The following ING5 variants were observed in gnomAD, a reference collection of about 807,000 sequenced individuals.
The protein encoded by ING5 is inhibitor of growth protein 5.
In ING5, 17 loss-of-function variants were observed where a neutral mutation model predicts 37.4. The observed-to-expected ratio is 0.45, with a 90% CI of 0.31 to 0.68. The LOEUF (loss-of-function observed/expected upper bound fraction) is 0.68. ING5 is among the 30% of genes least tolerant of loss of function. The pLI is 0.05. For missense variants in ING5, 233 were observed against 311.9 expected, an observed-to-expected ratio of 0.75 and a Z score of 1.91; for synonymous variants, 123 against 116.6, an observed-to-expected ratio of 1.06 and a Z score of -0.36.
chr2:241,720,363 G>A (rs954669528), intron 5 of ING5: 42 of 1,189,672 alleles, frequency 3.5e-5, no homozygotes, highest in African/African-American at 1.4e-4. Context: ...CCAGGCGCAC[G>A]CACCATCCTG....
intron 2 of ING5, among the ~76,000 whole-genome samples, chr2:241,694,534 TAAAATG>T (rs1213377952): frequency 6.6e-6 from 1 of 152,080 alleles, no homozygotes; most frequent in African/African-American, 2.4e-5. Context: ...TAGCTTCACT[TAAAATG>T]AAATAAATGT....
At chr2:241,708,518 C>G (rs1031393035) in intron 2 of ING5, among the ~76,000 whole-genome samples, 1 of 152,144 alleles carries the variant, frequency 6.6e-6, no homozygotes, top group Non-Finnish European at 1.5e-5. Flanking sequence ...AGTTTTCTTA[C>G]CCCTCTAAAC....
chr2:241,722,605 T>G (rs1424084584), intron 5 of ING5: 6 of 985,004 alleles, frequency 6.1e-6, no homozygotes, highest in East Asian at 1.1e-4. Flanking sequence ...TTGCTGCGCC[T>G]TCTTAGAACA....
chr2:241,724,863 G>A, intron 7 of ING5, 126 bp from the exon 8 acceptor site: 2 of 925,984 alleles, frequency 2.2e-6, no homozygotes, highest in Non-Finnish European at 3.4e-6. Context: ...CCCACTGCGT[G>A]TGCCTCTCCT....
exon 1 of ING5, chr2:241,687,196 G>T (rs932569114): frequency 5.1e-6 from 2 of 395,028 alleles, no homozygotes; most frequent in African/African-American, 2.1e-5. Flanking sequence ...TTGGCCCCTG[G>T]CTGCGCGCAG....
intron 2 of ING5, among the ~76,000 whole-genome samples, chr2:241,708,297 T>C (rs2069988600): frequency 6.6e-6 from 1 of 151,628 alleles, no homozygotes; most frequent in Admixed American, 6.6e-5. Flanking sequence ...AAGCCCCGCC[T>C]CCTGGGTTCA....
intron 5 of ING5, among the ~76,000 whole-genome samples, chr2:241,717,840 G>A (rs376621930): frequency 1.6e-4 from 25 of 152,076 alleles, no homozygotes; most frequent in African/African-American, 5.5e-4. Flanking sequence ...ACTTTGCATC[G>A]AATTTGGAAA....
chr2:241,711,370 T>C lies in ING5; in HGVS notation c.277-7T>C. The C allele has an allele frequency of 1.3e-6, 2 of 1,486,370 alleles. No homozygotes were observed. Among genetic ancestry groups the C allele is most frequent in the South Asian group, 1.4e-5 (1 of 73,724 alleles). The allele number at this position is 1,486,370 out of a possible 1,614,324, so 92.1% of individuals were successfully genotyped here. On this transcript the variant is annotated splice_polypyrimidine_tract_variant and splice_region_variant and intron_variant, in intron 3 of 7. Coordinates refer to ENST00000313552, the MANE Select transcript of ING5 (RefSeq NM_032329.6). ...TTTAAAATAAGACTTTGGGTATCCT[T>C]TTGTAGGTGGATAAACACATTCGAA...
intron 7 of ING5, 62 bp downstream of exon 7, chr2:241,723,333 C>A: frequency 1.9e-6 from 3 of 1,551,064 alleles, no homozygotes; most frequent in Non-Finnish European, 1.8e-6. Flanking sequence ...CTGCTGGCCT[C>A]CCCAGGAGAA....
At chr2:241,713,613 C>A (rs933260425) in intron 5 of ING5, among the ~76,000 whole-genome samples, 1 of 151,562 alleles carries the variant, frequency 6.6e-6, no homozygotes, top group Admixed American at 6.6e-5. Flanking sequence ...CCTCGTGATC[C>A]ACCTGCCTTG....
chr2:241,691,393 C>T (rs904431508), intron 2 of ING5, among the ~76,000 whole-genome samples: 4 of 151,652 alleles, frequency 2.6e-5, no homozygotes, highest in Non-Finnish European at 5.9e-5. Flanking sequence ...GAGCTGAGAT[C>T]ATGCCACTGC....
chr2:241,699,008 G>A (rs189146786), upstream of ING5, among the ~76,000 whole-genome samples: 59 of 145,372 alleles, frequency 4.1e-4, no homozygotes, highest in African/African-American at 1.5e-3. Flanking sequence ...GATTACAGGC[G>A]TGAGCCACCA....
Position 241,722,538 on chromosome 2 carries a change from G to A in ING5, c.483-401G>A, listed in dbSNP as rs376368670. On this transcript the variant is annotated intron_variant, in intron 5 of 7. Coordinates refer to ENST00000313552, the MANE Select transcript of ING5 (RefSeq NM_032329.6). ...GCTGCTGCTGTTCCTGGATTTTTGTGGGTAACTGTTCTTTCTAGCATCAGC... is the reference window on the plus strand; with the variant it reads ...GCTGCTGCTGTTCCTGGATTTTTGTAGGTAACTGTTCTTTCTAGCATCAGC... 21 of 985,256 alleles carry A rather than the reference G, an allele frequency of 2.1e-5. No individual in the cohort carries two copies. The African/African-American group carries it at 3.7e-4, about 17-fold the overall frequency. The allele number at this position is 985,256 out of a possible 1,614,324, so 61.0% of individuals were successfully genotyped here. A position where few individuals can be genotyped will look rare whatever the true frequency, so the allele number is the denominator to read the frequency against.
Position 241,711,503 on chromosome 2 carries a change from T to C in ING5, c.388+15T>C. On this transcript the variant is annotated intron_variant, in intron 4 of 7. Transcript: ENST00000313552. ...AGGGTTAAAAAGCAAGTCTGTTAAT[T>C]TTTTTTCTTTATTTTATTACTGTTA... The C allele has an allele frequency of 5.1e-6, 8 of 1,558,026 alleles. No individual in the cohort carries two copies. The highest frequency in any genetic ancestry group is 7.0e-6 in the Non-Finnish European group (8 of 1,145,428).
chr2:241,688,460 C>T (rs1227996539), intron 1 of ING5, among the ~76,000 whole-genome samples: 2 of 152,184 alleles, frequency 1.3e-5, no homozygotes, highest in Non-Finnish European at 2.9e-5. Context: ...CCGGACTTTA[C>T]TCCCAGCATT....
chr2:241,706,912 T>C (rs1575125036), intron 2 of ING5, among the ~76,000 whole-genome samples: 1 of 151,930 alleles, frequency 6.6e-6, no homozygotes, highest in East Asian at 1.9e-4. Context: ...GTTTCCTTTA[T>C]CTCTGAAGTT....
At chr2:241,704,944 A>G (rs972333702) in intron 2 of ING5, among the ~76,000 whole-genome samples, 2 of 152,188 alleles carry the variant, frequency 1.3e-5, no homozygotes, top group African/African-American at 4.8e-5. Flanking sequence ...TCATGTTTTT[A>G]TAACCATCAC....
upstream of ING5, chr2:241,702,006 G>GC: frequency 1.6e-6 from 2 of 1,258,176 alleles, no homozygotes; most frequent in South Asian, 2.0e-5. Context: ...GCACCGCCCC[G>GC]CCCCCGCCTC....
upstream of ING5, among the ~76,000 whole-genome samples, chr2:241,698,134 G>A (rs901904033): frequency 1.4e-5 from 2 of 139,286 alleles, no homozygotes; most frequent in East Asian, 4.3e-4. Flanking sequence ...TGGAAATAAT[G>A]ATGGACTTTG....
Sources: gnomAD v4.1 joint callset for allele counts (sites outside exome capture counted in the v4.1 genomes callset) on GRCh38, gnomAD v4.1.1 for gene constraint, MANE v1.5 for transcripts, NCBI Gene and HGNC (gene_info 2026-07-23, HGNC 2026-07-21) for gene names.